The following APOL5 variants were observed in gnomAD, a reference collection of about 807,000 sequenced individuals.
APOL5 encodes apolipoprotein L5.
In APOL5, 29 loss-of-function variants were observed where a neutral mutation model predicts 35.5. The observed-to-expected ratio is 0.82, with a 90% CI of 0.61 to 1.11. The LOEUF (loss-of-function observed/expected upper bound fraction) is 1.11, where lower values mean the gene tolerates loss of function less well. APOL5 is among the 50% of genes most tolerant of loss of function. APOL5 has a pLI of 0.00. For synonymous variants in APOL5, 188 were observed against 200.2 expected (o/e 0.94, Z 0.51); for missense variants, 514 against 530.4 (o/e 0.97, Z 0.30).
Position 35,728,752 on chromosome 22 carries a change from G to T in APOL5, c.1156G>T (p.Val386Leu). The change falls in exon 4 of 5, where the codon GTG becomes TTG. Residue 386 changes from valine to leucine, a missense_variant. This residue lies in a region of APOL5 where 238 missense variants were observed against 229.1 expected (regional missense o/e 1.04). Coordinates refer to ENST00000249044, the MANE Select transcript of APOL5 (RefSeq NM_030642.1). ...TCGCTCACCTCTCCCCTGGCCTGTT[G>T]TGGAGCACCAGCCTAGGCTGGGCCC... ...GSRSPLPWPVVEHQPRLGPGV... is the reference protein window; with the variant it reads ...GSRSPLPWPVLEHQPRLGPGV... The T allele has an allele frequency of 6.2e-7, 1 of 1,613,274 alleles. No individual in the cohort carries two copies. The highest frequency in any genetic ancestry group is 8.5e-7 in the Non-Finnish European group (1 of 1,179,602).
chr22:35,716,334 G>A (rs1034313563), upstream of APOL5, among the ~76,000 whole-genome samples: 3 of 152,194 alleles, frequency 2.0e-5, no homozygotes, highest in Non-Finnish European at 4.4e-5. Flanking sequence ...GTGCAGTGGT[G>A]CAATCTCAGC....
intron 2 of APOL5, among the ~76,000 whole-genome samples, chr22:35,721,518 C>T (rs1926970950): frequency 6.6e-6 from 1 of 150,484 alleles, no homozygotes; most frequent in Non-Finnish European, 1.5e-5. Flanking sequence ...TGCACTCTAG[C>T]CTGGGCGACA....
intron 2 of APOL5, among the ~76,000 whole-genome samples, chr22:35,720,943 C>T (rs954027605): frequency 6.6e-6 from 1 of 151,990 alleles, no homozygotes; most frequent in African/African-American, 2.4e-5. Flanking sequence ...ATGGAGTTTC[C>T]CCATGTTGGC....
the APOL5 span, among the ~76,000 whole-genome samples, chr22:35,712,033 G>A: frequency 8.0e-5 from 12 of 149,888 alleles, 1 homozygote; most frequent in African/African-American, 3.0e-4. Flanking sequence ...TTGAGACAGG[G>A]TCTCACTCTG....
chr22:35,726,667 A>G lies in APOL5; in HGVS notation c.599A>G (p.Asp200Gly). Residue 200 changes from aspartate to glycine, a missense_variant, in exon 3 of 5, where the codon GAC (aspartate) becomes GGC (glycine). This residue lies in a region of APOL5 where 254 missense variants were observed against 254.7 expected (regional missense o/e 1.00). Coordinates refer to ENST00000249044, the MANE Select transcript of APOL5 (RefSeq NM_030642.1). The stretch of plus-strand genomic sequence containing the variant: ...AATAGAAGCAATTCAGCAGCAAGAG[A>G]CAAAGCCAGCCGACTGGGGCCTCTG... ...LENRSNSAAR[D>G]KASRLGPLTT... The G allele has an allele frequency of 6.2e-7, 1 of 1,614,198 alleles. No individual in the cohort carries two copies.
the APOL5 span, among the ~76,000 whole-genome samples, chr22:35,712,260 C>T: frequency 2.6e-5 from 4 of 152,164 alleles, no homozygotes; most frequent in Non-Finnish European, 5.9e-5. Context: ...CCTCCTGCCC[C>T]AACCTCCCAA....
At chr22:35,714,538 T>C (rs78085142), upstream of APOL5, among the ~76,000 whole-genome samples, 6,198 of 152,170 alleles carry the variant, frequency 0.041, 151 homozygotes, top group Middle Eastern at 0.095. Context: ...AAAAGGACAA[T>C]GCCTCGTTTT....
At chr22:35,711,085 G>A in the APOL5 span, among the ~76,000 whole-genome samples, 23 of 152,306 alleles carry the variant, frequency 1.5e-4, no homozygotes, top group Admixed American at 3.3e-4. Flanking sequence ...CAGGAGAATC[G>A]CTTGAAGCCG....
At chr22:35,725,434 T>C (rs1260789002) in intron 2 of APOL5, among the ~76,000 whole-genome samples, 1 of 152,160 alleles carries the variant, frequency 6.6e-6, no homozygotes, top group Admixed American at 6.5e-5. Flanking sequence ...TTTGTATTTT[T>C]AGTAGAGATG....
intron 3 of APOL5, among the ~76,000 whole-genome samples, chr22:35,727,517 G>T (rs537130866): frequency 6.6e-6 from 1 of 152,176 alleles, no homozygotes. Context: ...GGCGGATAGG[G>T]GTCCAGGGAG....
rs763815526 is a variant in APOL5, at chr22:35,717,880, T to A, written c.9T>A (p.Cys3Ter). 26 of 1,584,010 alleles carry A rather than the reference T, an allele frequency of 1.6e-5. No homozygotes were observed. The Admixed American group carries it at 1.7e-4, about 11-fold the overall frequency. The change falls in exon 1 of 5, where the codon TGT becomes TGA. Residue 3 changes from cysteine (C) to a stop codon, truncating the protein, a stop_gained. Coordinates refer to ENST00000249044, the MANE Select transcript of APOL5 (RefSeq NM_030642.1). LOFTEE classifies it high-confidence loss of function. ...TTTAAAAAATCTAAAGCATGCCATG[T>A]GGCAAACAAGGAAATTTGCAAGTTC... MP[C>*]GKQGNLQVPG... is the part of the protein sequence containing the mutation.
chr22:35,723,358 T>C lies in APOL5; in HGVS notation c.142+2704T>C, dbSNP rs1927039602. Among the ~76,000 whole-genome samples the C allele has an allele frequency of 3.3e-5, 5 of 152,170 alleles. No individual in the cohort carries two copies. The South Asian group carries it at 1.0e-3, about 31-fold the overall frequency. ...TGTAGAAAGTCACACATACAGTCCA[T>C]AGTTCAGCAATACACACGCTGGAAA... On this transcript the variant is annotated intron_variant, in intron 2 of 4. Transcript: ENST00000249044.
upstream of APOL5, among the ~76,000 whole-genome samples, chr22:35,717,235 A>AAAATAT: frequency 4.7e-3 from 273 of 57,648 alleles, 5 homozygotes; most frequent in Middle Eastern, 0.011. Context: ...AAAAAAAAAA[A>AAAATAT]ATATATATAT....
At chr22:35,712,683 G>A in the APOL5 span, among the ~76,000 whole-genome samples, 1 of 152,056 alleles carries the variant, frequency 6.6e-6, no homozygotes, top group African/African-American at 2.4e-5. Context: ...TTGTGTTGAT[G>A]GCTTTTCTTC....
intron 4 of APOL5, 143 bp downstream of exon 4, chr22:35,729,047 C>G: frequency 1.1e-6 from 1 of 900,270 alleles, no homozygotes; most frequent in Non-Finnish European, 1.6e-6. Flanking sequence ...CGGCCACCTG[C>G]CACGCCACCT....
At chr22:35,716,373 A>G (rs778950825), upstream of APOL5, among the ~76,000 whole-genome samples, 15 of 152,138 alleles carry the variant, frequency 9.9e-5, no homozygotes, top group Non-Finnish European at 1.8e-4. Context: ...CCCGGGTTCA[A>G]GAGATTCTCC....
In APOL5 at chr22:35,726,670, A is replaced by G; in HGVS notation, c.602A>G (p.Lys201Arg). 1 of 1,614,230 alleles carries G rather than the reference A, an allele frequency of 6.2e-7. No individual in the cohort carries two copies. Among genetic ancestry groups the G allele is most frequent in the Non-Finnish European group, 8.5e-7 (1 of 1,180,044 alleles). The change falls in exon 3 of 5, where the codon AAA (lysine) becomes AGA (arginine). Residue 201 changes from lysine (K) to arginine (R), a missense_variant. Coordinates refer to ENST00000249044, the MANE Select transcript of APOL5 (RefSeq NM_030642.1). ...AGAAGCAATTCAGCAGCAAGAGACAAAGCCAGCCGACTGGGGCCTCTGACA... is the reference window on the plus strand; with the variant it reads ...AGAAGCAATTCAGCAGCAAGAGACAGAGCCAGCCGACTGGGGCCTCTGACA... Reference protein sequence around the residue: ...ENRSNSAARDKASRLGPLTTS... With the variant: ...ENRSNSAARDRASRLGPLTTS...
chr22:35,713,494 C>G (rs1471426658), upstream of APOL5, among the ~76,000 whole-genome samples: 1 of 152,192 alleles, frequency 6.6e-6, no homozygotes, highest in Admixed American at 6.5e-5. Context: ...CTTCTCCCCT[C>G]TAAGCTCTCC....
At position 35,728,804 on chromosome 22, in the gene APOL5, G is replaced by A; in HGVS notation, c.1208G>A (p.Arg403Lys). The change falls in exon 4 of 5, where the codon AGG becomes AAG. Residue 403 changes from arginine (R) to lysine (K), a missense_variant. Around this residue, in one of 3 missense-constraint regions of APOL5, gnomAD observed 238 missense variants for 229.1 expected, o/e 1.04. Transcript: ENST00000249044. ...GPGVALRTPK[R>K]TVSAPRMLGH... Reference sequence around the variant, plus strand: ...GGCGTGGCACTGAGGACACCAAAGAGGACAGTCTCTGCCCCAAGGATGCTT... The same window carrying A: ...GGCGTGGCACTGAGGACACCAAAGAAGACAGTCTCTGCCCCAAGGATGCTT... 4.3e-6 allele frequency: 7 copies of A among 1,613,490 alleles called. No individual in the cohort carries two copies. Among genetic ancestry groups the A allele is most frequent in the Non-Finnish European group, 5.1e-6 (6 of 1,179,764 alleles).
Sources: gnomAD v4.1 joint callset for allele counts (sites outside exome capture counted in the v4.1 genomes callset) on GRCh38, gnomAD v4.1.1 for gene constraint, gnomAD v4.1.1 regional missense constraint, MANE v1.5 for transcripts, NCBI Gene and HGNC (gene_info 2026-07-23, HGNC 2026-07-21) for gene names.